The following PALS2 variants were observed in gnomAD, a reference collection of about 807,000 sequenced individuals.
The protein encoded by PALS2 is protein PALS2.
PALS2 carries 27 observed loss-of-function variants against 61.6 expected under a neutral mutation model. The ratio of observed to expected loss-of-function variants is 0.44; its 90% CI spans 0.32 to 0.60. PALS2 has a LOEUF of 0.60. Ranked by LOEUF, PALS2 falls within the 20% of genes least tolerant of loss-of-function variation. The probability of loss-of-function intolerance (pLI) is 0.05; values close to 1 mark genes in which losing one functional copy is unlikely to be tolerated. For synonymous variants in PALS2, 236 were observed against 218.6 expected (o/e 1.08, Z -0.70); for missense variants, 554 against 639.4 (o/e 0.87, Z 1.44).
At chr7:24,585,842 G>A (rs1783044792) in intron 1 of PALS2, among the ~76,000 whole-genome samples, 1 of 152,140 alleles carries the variant, frequency 6.6e-6, no homozygotes, top group African/African-American at 2.4e-5. Context: ...GGGACTCCAG[G>A]CGCCCGCCAC....
chr7:24,583,057 G>A (rs1381686870), intron 1 of PALS2, among the ~76,000 whole-genome samples: 1 of 151,684 alleles, frequency 6.6e-6, no homozygotes, highest in Non-Finnish European at 1.5e-5. Context: ...ACCACGCCCA[G>A]CTAATTTTTG....
At position 24,621,535 on chromosome 7, in the gene PALS2, A is replaced by G. The variant is rs530774667; in HGVS notation, c.-2-2131A>G. Among the ~76,000 whole-genome samples the G allele has an allele frequency of 1.1e-4, 17 of 152,188 alleles. No individual in the cohort carries two copies. The South Asian group carries it at 3.1e-3, about 28-fold the overall frequency. On this transcript the variant is annotated intron_variant, in intron 1 of 11. Transcript: ENST00000222644. ...AACCTCTAGTATTCTAACAGAAAATAGATAATGTCCAAAATGGGTCAGTCA... is the reference window on the plus strand; with the variant it reads ...AACCTCTAGTATTCTAACAGAAAATGGATAATGTCCAAAATGGGTCAGTCA...
At chr7:24,680,025 T>C (rs1310590114) in intron 10 of PALS2, among the ~76,000 whole-genome samples, 1 of 152,222 alleles carries the variant, frequency 6.6e-6, no homozygotes, top group East Asian at 1.9e-4. Context: ...TTGTAATTGC[T>C]ATATAGTATG....
intron 2 of PALS2, among the ~76,000 whole-genome samples, chr7:24,625,849 T>C (rs1458170727): frequency 6.6e-6 from 1 of 152,170 alleles, no homozygotes; most frequent in Non-Finnish European, 1.5e-5. Flanking sequence ...GGTAGTTCAG[T>C]ATTCCTATAA....
In PALS2 at chr7:24,582,964, G is replaced by A. The variant is rs538546405; in HGVS notation, c.-3+9371G>A. On this transcript the variant is annotated intron_variant, in intron 1 of 11. Transcript: ENST00000222644. ...TGCTAGAGTGCAGTGGCGTGATCTCGGCTCACTGCAACCTCTGCCTCCCGG... is the reference window on the plus strand; with the variant it reads ...TGCTAGAGTGCAGTGGCGTGATCTCAGCTCACTGCAACCTCTGCCTCCCGG... Among the ~76,000 whole-genome samples, 18 of 131,744 alleles carry A rather than the reference G, an allele frequency of 1.4e-4. No individual in the cohort carries two copies. In the East Asian group the frequency reaches 3.7e-3, roughly 27 times the overall value. 86.4% of individuals were successfully genotyped at this position (131,744 alleles called of 152,430 possible). A position where few individuals can be genotyped will look rare whatever the true frequency, so the allele number is the denominator to read the frequency against.
At chr7:24,686,485 T>C (rs1788210658) in intron 11 of PALS2, among the ~76,000 whole-genome samples, 2 of 152,144 alleles carry the variant, frequency 1.3e-5, no homozygotes, top group South Asian at 4.2e-4. Context: ...TTCCTCTGCC[T>C]GAATGCTGAC....
At chr7:24,652,265 G>T (rs538516651) in intron 5 of PALS2, among the ~76,000 whole-genome samples, 1 of 152,194 alleles carries the variant, frequency 6.6e-6, no homozygotes, top group African/African-American at 2.4e-5. Context: ...GCTCACCATG[G>T]CTATAAGAGA....
intron 2 of PALS2, among the ~76,000 whole-genome samples, chr7:24,632,965 T>C (rs548390778): frequency 2.0e-5 from 3 of 152,274 alleles, no homozygotes; most frequent in Non-Finnish European, 4.4e-5. Flanking sequence ...TAATACACTT[T>C]CGAATAACAT....
intron 5 of PALS2, among the ~76,000 whole-genome samples, chr7:24,658,129 T>A (rs899977351): frequency 1.3e-5 from 2 of 152,086 alleles, no homozygotes; most frequent in African/African-American, 4.8e-5. Context: ...TTTCTCTGTA[T>A]TTTTCATGTT....
chr7:24,641,691 C>G, intron 2 of PALS2, 25 bp from the exon 3 acceptor site: 1 of 1,552,178 alleles, frequency 6.4e-7, no homozygotes, highest in South Asian at 1.2e-5. Flanking sequence ...AGTATTACTA[C>G]TTTAATATAC....
intron 1 of PALS2, among the ~76,000 whole-genome samples, chr7:24,620,501 G>T (rs1303052908): frequency 6.6e-6 from 1 of 151,964 alleles, no homozygotes; most frequent in African/African-American, 2.4e-5. Context: ...TTAAGAGTCA[G>T]TAACAACTTA....
intron 9 of PALS2, among the ~76,000 whole-genome samples, 189 bp from the exon 10 acceptor site, chr7:24,678,942 C>A (rs76756504): frequency 6.6e-6 from 1 of 152,066 alleles, no homozygotes. Context: ...ATGTATGATA[C>A]ATAAACAAAT....
At chr7:24,625,211 T>C (rs1358637597) in intron 2 of PALS2, among the ~76,000 whole-genome samples, 1 of 152,190 alleles carries the variant, frequency 6.6e-6, no homozygotes, top group Non-Finnish European at 1.5e-5. Context: ...TGGGTTCTTA[T>C]TGTACTTTTA....
rs184691181 is a variant in PALS2, at chr7:24,693,656, A to G, written c.*6042A>G. The G allele has an allele frequency of 2.0e-5, 3 of 152,334 alleles. No individual in the cohort carries two copies. Among genetic ancestry groups the G allele is most frequent in the Admixed American group, 2.0e-4 (3 of 15,294 alleles). The allele number at this position is 152,334 out of a possible 1,614,324, so 9.4% of individuals were successfully genotyped here. ...TAGCTCAGCTACATCTGTATTTGAAATACAATAAAAATATTTCTTATGTCT... is the reference window on the plus strand; with the variant it reads ...TAGCTCAGCTACATCTGTATTTGAAGTACAATAAAAATATTTCTTATGTCT... On this transcript the variant is annotated 3_prime_UTR_variant, in exon 12 of 12. Coordinates refer to ENST00000222644, the MANE Select transcript of PALS2 (RefSeq NM_001303037.2).
intron 9 of PALS2, 68 bp from the exon 10 acceptor site, chr7:24,679,063 T>C: frequency 7.1e-7 from 1 of 1,408,428 alleles, no homozygotes; most frequent in South Asian, 1.2e-5. Flanking sequence ...AGCCACCCTA[T>C]GTATTTTAGT....
intron 9 of PALS2, among the ~76,000 whole-genome samples, chr7:24,676,751 C>T (rs1482006035): frequency 6.6e-6 from 1 of 151,046 alleles, no homozygotes; most frequent in East Asian, 1.9e-4. Flanking sequence ...GTTTTGGTAC[C>T]AGTCCCATGC....
intron 1 of PALS2, among the ~76,000 whole-genome samples, chr7:24,584,471 T>C (rs1232034712): frequency 6.1e-5 from 9 of 148,284 alleles, no homozygotes; most frequent in Non-Finnish European, 1.0e-4. Flanking sequence ...TTTTGAGAAG[T>C]GTCTGTTCAT....
intron 2 of PALS2, among the ~76,000 whole-genome samples, chr7:24,629,603 C>G (rs1281662397): frequency 6.6e-6 from 1 of 151,948 alleles, no homozygotes; most frequent in Non-Finnish European, 1.5e-5. Flanking sequence ...GGGCTAATAT[C>G]CAGACTCTAC....
At chr7:24,595,532 A>T (rs11768447) in intron 1 of PALS2, among the ~76,000 whole-genome samples, 4 of 130,524 alleles carry the variant, frequency 3.1e-5, no homozygotes, top group Non-Finnish European at 6.5e-5. Context: ...TATAATATAT[A>T]ATATATAATA....
Sources: allele counts gnomAD v4.1 joint callset (sites outside exome capture counted in the v4.1 genomes callset), GRCh38; gene constraint gnomAD v4.1.1; transcripts MANE v1.5; gene names NCBI Gene and HGNC (gene_info 2026-07-23, HGNC 2026-07-21).